The following RANBP2 variants were observed in gnomAD, a reference collection of about 807,000 sequenced individuals.
RANBP2 encodes the protein RAN binding protein 2.
In RANBP2, 57 loss-of-function variants were observed where a neutral mutation model predicts 303.6. That is an observed-to-expected ratio of 0.19 (90% CI 0.15 to 0.23). The LOEUF (loss-of-function observed/expected upper bound fraction) is 0.23, where lower values mean the gene tolerates loss of function less well. RANBP2 is among the 10% of genes least tolerant of loss of function. The pLI, the probability that RANBP2 is intolerant of heterozygous loss-of-function variation, is 1.00. For synonymous variants in RANBP2, 1,167 were observed against 1,301.5 expected, an observed-to-expected ratio of 0.90 and a Z score of 2.23; for missense variants, 3,138 against 3,780.8, an observed-to-expected ratio of 0.83 and a Z score of 4.46.
chr2:109,421,603 TGG>T, the RANBP2 span, among the ~76,000 whole-genome samples: 1 of 152,208 alleles, frequency 6.6e-6, no homozygotes. Context: ...TCGCCTGCCC[TGG>T]GGGACAGGGT....
At chr2:109,612,413 T>C in the RANBP2 span, among the ~76,000 whole-genome samples, 1 of 152,190 alleles carries the variant, frequency 6.6e-6, no homozygotes, top group African/African-American at 2.4e-5. Context: ...AATATGCTGG[T>C]TGTGATATCG....
At chr2:109,740,210 A>G in the RANBP2 span, among the ~76,000 whole-genome samples, 1 of 151,612 alleles carries the variant, frequency 6.6e-6, no homozygotes, top group African/African-American at 2.4e-5. Context: ...GATGGTCTCA[A>G]TCTCTTGACC....
the RANBP2 span, among the ~76,000 whole-genome samples, chr2:109,097,736 G>GGTGT: frequency 2.7e-4 from 40 of 146,804 alleles, no homozygotes; most frequent in African/African-American, 8.9e-4. Flanking sequence ...ATGTGCTTAG[G>GGTGT]GTGTGTGTGT....
chr2:109,151,456 G>A, the RANBP2 span, among the ~76,000 whole-genome samples: 1 of 152,216 alleles, frequency 6.6e-6, no homozygotes, highest in Non-Finnish European at 1.5e-5. Flanking sequence ...TAGAATTTGA[G>A]CCACATATTT....
At chr2:108,753,207 T>G (rs1478215694) in intron 13 of RANBP2, 48 bp downstream of exon 13, 15 of 1,611,452 alleles carry the variant, frequency 9.3e-6, no homozygotes, top group Non-Finnish European at 1.3e-5. Flanking sequence ...ATTTCCAGTT[T>G]ATAAACAAAG....
At chr2:108,730,705 A>T in intron 2 of RANBP2, 69 bp from the exon 3 acceptor site, 1 of 1,562,494 alleles carries the variant, frequency 6.4e-7, no homozygotes, top group South Asian at 1.1e-5. Flanking sequence ...TTTAAGATGT[A>T]TTCTTCGGTT....
the RANBP2 span, among the ~76,000 whole-genome samples, chr2:109,464,651 G>C: frequency 5.9e-5 from 9 of 152,236 alleles, no homozygotes; most frequent in Admixed American, 1.3e-4. Context: ...TTTTTTTAAA[G>C]AGACTTTATT....
chr2:109,438,146 A>G, the RANBP2 span, among the ~76,000 whole-genome samples: 2 of 152,226 alleles, frequency 1.3e-5, no homozygotes, highest in Non-Finnish European at 2.9e-5. Context: ...GAAAGAGGAG[A>G]CAACACTTAG....
chr2:108,765,217 G>T lies in RANBP2; in HGVS notation c.4678G>T (p.Ala1560Ser). ...ATGCTTAGTGCGAAATGAAGCAAAT[G>T]CTACAAGATGTGTTGCTTGTCAGAA... Reference protein sequence around the residue: ...SSCLVRNEANATRCVACQNPD... With the variant: ...SSCLVRNEANSTRCVACQNPD... The change falls in exon 20 of 29, where the codon GCT becomes TCT. Residue 1560 changes from alanine to serine, a missense_variant. Coordinates refer to ENST00000283195, the MANE Select transcript of RANBP2 (RefSeq NM_006267.5). The T allele has an allele frequency of 6.2e-7, 1 of 1,614,136 alleles. No individual in the cohort carries two copies.
the RANBP2 span, among the ~76,000 whole-genome samples, chr2:108,867,302 T>G: frequency 1.3e-5 from 2 of 152,112 alleles, no homozygotes; most frequent in Non-Finnish European, 2.9e-5. Flanking sequence ...AACTGAGAGA[T>G]TCCAGAGTGG....
At chr2:109,124,854 G>A in the RANBP2 span, among the ~76,000 whole-genome samples, 1 of 152,206 alleles carries the variant, frequency 6.6e-6, no homozygotes, top group African/African-American at 2.4e-5. Flanking sequence ...GCCTGGCGGA[G>A]ATCCTCCAGG....
chr2:109,121,892 T>A, the RANBP2 span, among the ~76,000 whole-genome samples: 1 of 152,190 alleles, frequency 6.6e-6, no homozygotes, highest in African/African-American at 2.4e-5. Flanking sequence ...CTTCTCCTCC[T>A]GCTACCTCTG....
At chr2:108,910,539 G>T in the RANBP2 span, 1 of 1,611,216 alleles carries the variant, frequency 6.2e-7, no homozygotes, top group East Asian at 2.2e-5. Context: ...TTGTCTGCAG[G>T]GAAATGGGGA....
At chr2:109,321,018 A>G in the RANBP2 span, among the ~76,000 whole-genome samples, 1 of 152,252 alleles carries the variant, frequency 6.6e-6, no homozygotes, top group Non-Finnish European at 1.5e-5. Flanking sequence ...AGATTGTTCC[A>G]TGGGAGCTCA....
At chr2:109,506,484 C>T in the RANBP2 span, among the ~76,000 whole-genome samples, 1 of 152,250 alleles carries the variant, frequency 6.6e-6, no homozygotes, top group East Asian at 1.9e-4. Flanking sequence ...GGGAGCCACA[C>T]TCCTGGAGGC....
the RANBP2 span, among the ~76,000 whole-genome samples, chr2:108,941,910 TCAGGTCACAGCTGACAAAGCTCTGCTGCA>T: frequency 1.3e-5 from 2 of 151,930 alleles, no homozygotes; most frequent in African/African-American, 4.8e-5. Context: ...TGGGAGCTTA[TCAGGTCACAGCTGACAAAGCTCTGCTGCA>T]CAGAGAGGCC....
At chr2:109,033,146 G>A in the RANBP2 span, among the ~76,000 whole-genome samples, 2 of 152,236 alleles carry the variant, frequency 1.3e-5, no homozygotes, top group Non-Finnish European at 2.9e-5. Context: ...TCTCTGAGAG[G>A]TGATGACTTC....
the RANBP2 span, among the ~76,000 whole-genome samples, chr2:109,272,795 C>T: frequency 2.6e-5 from 4 of 152,198 alleles, no homozygotes; most frequent in African/African-American, 4.8e-5. Flanking sequence ...AAACAGCCCC[C>T]GGTACTGCCG....
At chr2:109,515,443 C>T in the RANBP2 span, among the ~76,000 whole-genome samples, 2 of 152,100 alleles carry the variant, frequency 1.3e-5, no homozygotes, top group Non-Finnish European at 2.9e-5. Context: ...GGCCAGACTC[C>T]AGGACAAAGC....
Sources: allele counts gnomAD v4.1 joint callset (sites outside exome capture counted in the v4.1 genomes callset), GRCh38; gene constraint gnomAD v4.1.1; transcripts MANE v1.5; gene names NCBI Gene and HGNC (gene_info 2026-07-23, HGNC 2026-07-21).